The following CNTNAP2 variants were observed in gnomAD, a reference collection of about 807,000 sequenced individuals.
CNTNAP2 encodes contactin associated protein 2, also known as contactin-associated protein-like 2.
Under a neutral mutation model 155.2 loss-of-function variants are expected in CNTNAP2, and 98 were observed. The ratio of observed to expected loss-of-function variants is 0.63; its 90% CI spans 0.54 to 0.75. CNTNAP2 has a LOEUF of 0.75. CNTNAP2 is among the 30% of genes least tolerant of loss of function. The probability of loss-of-function intolerance (pLI) is 0.00; values close to 1 mark genes in which losing one functional copy is unlikely to be tolerated. For synonymous variants in CNTNAP2, 651 were observed against 631.2 expected (o/e 1.03, Z -0.47); for missense variants, 1,727 against 1,688.1 (o/e 1.02, Z -0.40).
At chr7:147,408,618 C>T (rs976650272) in intron 10 of CNTNAP2, among the ~76,000 whole-genome samples, 8 of 152,064 alleles carry the variant, frequency 5.3e-5, no homozygotes, top group Non-Finnish European at 1.0e-4. Context: ...ATTAGCCAGG[C>T]GTGGTGGCGG....
At chr7:148,064,343 A>G (rs548152801) in intron 15 of CNTNAP2, among the ~76,000 whole-genome samples, 2 of 152,030 alleles carry the variant, frequency 1.3e-5, no homozygotes, top group Non-Finnish European at 2.9e-5. Flanking sequence ...GACAATATTT[A>G]TTCTACCTAT....
At chr7:147,042,117 A>T (rs1439538941) in intron 3 of CNTNAP2, among the ~76,000 whole-genome samples, 2 of 152,196 alleles carry the variant, frequency 1.3e-5, no homozygotes, top group African/African-American at 4.8e-5. Flanking sequence ...ATGCTCTATT[A>T]AGTGTTAAAA....
At chr7:146,935,546 T>C (rs1439044559) in intron 3 of CNTNAP2, among the ~76,000 whole-genome samples, 1 of 152,180 alleles carries the variant, frequency 6.6e-6, no homozygotes, top group Non-Finnish European at 1.5e-5. Flanking sequence ...ACTTTTTCCA[T>C]GGTTTGGAGT....
chr7:148,352,154 C>T (rs899100404), intron 21 of CNTNAP2, among the ~76,000 whole-genome samples: 4 of 152,138 alleles, frequency 2.6e-5, no homozygotes, highest in South Asian at 2.1e-4. Flanking sequence ...AGCTGGATGC[C>T]GCTGAAGGGT....
At chr7:147,069,738 C>T (rs536271292) in intron 4 of CNTNAP2, among the ~76,000 whole-genome samples, 1 of 152,164 alleles carries the variant, frequency 6.6e-6, no homozygotes, top group Non-Finnish European at 1.5e-5. Flanking sequence ...TACTATCATT[C>T]TCTGTTTTCT....
rs77367991 is a variant in CNTNAP2, at chr7:147,541,116, A to C, written c.1778-21022A>C. 4.2e-3 allele frequency among the ~76,000 whole-genome samples: 641 copies of C among 152,314 alleles called. 6 individuals carry two copies. Among genetic ancestry groups the C allele is most frequent in the African/African-American group, 0.015 (614 of 41,582 alleles). ...CTTCTTTTAAAAATGTATACGATAT[A>C]GGGGGAAGATGGTAACAGTTAGAAC... On this transcript the variant is annotated intron_variant, in intron 11 of 23. Coordinates refer to ENST00000361727, the MANE Select transcript of CNTNAP2 (RefSeq NM_014141.6).
At chr7:146,460,059 C>A (rs541331002) in intron 1 of CNTNAP2, among the ~76,000 whole-genome samples, 1 of 152,044 alleles carries the variant, frequency 6.6e-6, no homozygotes, top group African/African-American at 2.4e-5. Flanking sequence ...AACAAAATGG[C>A]GGCCAAGCTT....
chr7:146,121,807 C>A (rs1015457060), intron 1 of CNTNAP2, among the ~76,000 whole-genome samples: 1 of 152,132 alleles, frequency 6.6e-6, no homozygotes, highest in East Asian at 1.9e-4. Context: ...TATTGGGCTG[C>A]TGAAATAAAT....
chr7:148,183,624 G>A (rs1379409302), intron 18 of CNTNAP2, among the ~76,000 whole-genome samples: 2 of 151,796 alleles, frequency 1.3e-5, no homozygotes, highest in Non-Finnish European at 2.9e-5. Flanking sequence ...TGGGACTATA[G>A]GCATGTGCTA....
intron 13 of CNTNAP2, among the ~76,000 whole-genome samples, chr7:147,772,446 C>CTATATATATATA (rs58027241): frequency 1.0e-3 from 65 of 63,704 alleles, no homozygotes; most frequent in Non-Finnish European, 1.2e-3. Context: ...CTCTCTCTCG[C>CTATATATATATA]TATATATATA....
At chr7:147,117,892 A>G (rs932958109) in intron 5 of CNTNAP2, among the ~76,000 whole-genome samples, 16 of 152,186 alleles carry the variant, frequency 1.1e-4, no homozygotes, top group Non-Finnish European at 1.6e-4. Context: ...GTCACACAAA[A>G]TTCGCCATCA....
intron 8 of CNTNAP2, among the ~76,000 whole-genome samples, chr7:147,247,937 A>G (rs935023680): frequency 3.9e-5 from 6 of 152,142 alleles, no homozygotes; most frequent in East Asian, 1.9e-4. Context: ...AAGGAAAAAA[A>G]TTTTTAAAAA....
rs369956827 is a variant in CNTNAP2 at position 147,040,522 on chromosome 7, G to A, written c.403-3385G>A. 7.3e-4 allele frequency among the ~76,000 whole-genome samples: 104 copies of A among 142,532 alleles called. 1 individual carries two copies. The highest frequency in any genetic ancestry group is 7.6e-3 in the Middle Eastern group (2 of 262). 93.5% of individuals were successfully genotyped at this position (142,532 alleles called of 152,430 possible). A position where few individuals can be genotyped will look rare whatever the true frequency, so the allele number is the denominator to read the frequency against. ...GTCACCCAGGCTGGAGTACAGTGGC[G>A]TGATTTCAACTCCCTGAAACCCCTG... On this transcript the variant is annotated intron_variant, in intron 3 of 23. Coordinates refer to ENST00000361727, the MANE Select transcript of CNTNAP2 (RefSeq NM_014141.6).
At position 147,978,944 on chromosome 7, in the gene CNTNAP2, G is replaced by C. The variant is rs529637597; in HGVS notation, c.2383+955G>C. On this transcript the variant is annotated intron_variant, in intron 15 of 23. Coordinates refer to ENST00000361727, the MANE Select transcript of CNTNAP2 (RefSeq NM_014141.6). ...TCCTGGGGAGGCTGTGAATATTTTA[G>C]TGCCTGGATTTGGATTCCTCCTAGC... Among the ~76,000 whole-genome samples, 3 of 152,228 alleles carry C rather than the reference G, an allele frequency of 2.0e-5. No individual in the cohort carries two copies. In the South Asian group the frequency reaches 6.2e-4, roughly 32 times the overall value.
chr7:147,062,731 C>T (rs1799706711), intron 4 of CNTNAP2, among the ~76,000 whole-genome samples: 1 of 152,024 alleles, frequency 6.6e-6, no homozygotes, highest in Non-Finnish European at 1.5e-5. Flanking sequence ...TTAGTTCTTC[C>T]CTTTGGTAGT....
At chr7:146,477,153 C>G (rs1443090414) in intron 1 of CNTNAP2, among the ~76,000 whole-genome samples, 1 of 152,130 alleles carries the variant, frequency 6.6e-6, no homozygotes, top group Non-Finnish European at 1.5e-5. Flanking sequence ...TCAGCAACAA[C>G]TCAGTATTTG....
At chr7:147,910,907 G>T (rs1800053099) in intron 14 of CNTNAP2, among the ~76,000 whole-genome samples, 1 of 152,126 alleles carries the variant, frequency 6.6e-6, no homozygotes, top group Admixed American at 6.5e-5. Flanking sequence ...TTTTTCACCT[G>T]TGTACTATAT....
At chr7:148,132,089 T>A (rs973892567) in intron 16 of CNTNAP2, among the ~76,000 whole-genome samples, 2 of 152,230 alleles carry the variant, frequency 1.3e-5, no homozygotes, top group African/African-American at 4.8e-5. Flanking sequence ...TTTGTTAATT[T>A]GTACTTGTAT....
At chr7:148,340,600 C>T (rs1454363111) in intron 21 of CNTNAP2, among the ~76,000 whole-genome samples, 1 of 152,228 alleles carries the variant, frequency 6.6e-6, no homozygotes, top group African/African-American at 2.4e-5. Context: ...CTCGCTTTTT[C>T]TTTGCATAAT....
Sources: gnomAD v4.1 joint callset for allele counts (sites outside exome capture counted in the v4.1 genomes callset) on GRCh38, gnomAD v4.1.1 for gene constraint, MANE v1.5 for transcripts, NCBI Gene and HGNC (gene_info 2026-07-23, HGNC 2026-07-21) for gene names.